The following PKNOX1 variants were observed in gnomAD, a reference collection of about 807,000 sequenced individuals.
PKNOX1 encodes homeobox protein PKNOX1.
Under a neutral mutation model 51.9 loss-of-function variants are expected in PKNOX1, and 15 were observed. The observed-to-expected ratio is 0.29, with a 90% CI of 0.19 to 0.45. The LOEUF (loss-of-function observed/expected upper bound fraction) is 0.45. PKNOX1 is among the 20% of genes least tolerant of loss of function. PKNOX1 has a pLI of 1.00. For missense variants in PKNOX1, 462 were observed against 547.5 expected (o/e 0.84, Z 1.56); for synonymous variants, 219 against 211.1 (o/e 1.04, Z -0.32).
chr21:43,015,450 T>A (rs1261322309), intron 5 of PKNOX1, among the ~76,000 whole-genome samples: 2 of 152,252 alleles, frequency 1.3e-5, no homozygotes, highest in African/African-American at 4.8e-5. Context: ...CCATGGCACA[T>A]AATTCTTTTC....
intron 4 of PKNOX1, among the ~76,000 whole-genome samples, chr21:43,011,260 G>A (rs1407647970): frequency 6.6e-6 from 1 of 151,706 alleles, no homozygotes; most frequent in Non-Finnish European, 1.5e-5. Context: ...TAGTAGAGAC[G>A]GGATTTCACC....
chr21:42,991,343 C>G (rs1392425077), intron 1 of PKNOX1, among the ~76,000 whole-genome samples: 1 of 151,642 alleles, frequency 6.6e-6, no homozygotes, highest in Admixed American at 6.6e-5. Context: ...AAAAAAAAAC[C>G]CTGAAAGCAA....
chr21:43,027,037 T>G (rs886368216), intron 9 of PKNOX1, among the ~76,000 whole-genome samples: 1 of 152,076 alleles, frequency 6.6e-6, no homozygotes, highest in African/African-American at 2.4e-5. Flanking sequence ...AAGAAAGAAG[T>G]TGTCACAGTG....
chr21:42,997,720 C>T (rs745667036), intron 1 of PKNOX1, among the ~76,000 whole-genome samples: 4 of 152,124 alleles, frequency 2.6e-5, no homozygotes, highest in Non-Finnish European at 4.4e-5. Flanking sequence ...GGGTGAGATT[C>T]ATCAGGAAGG....
intron 8 of PKNOX1, among the ~76,000 whole-genome samples, chr21:43,023,273 G>A (rs1428458246): frequency 6.6e-6 from 1 of 152,028 alleles, no homozygotes; most frequent in Non-Finnish European, 1.5e-5. Context: ...ACTCATTGAT[G>A]GAGTCAAGTT....
chr21:43,024,632 G>A (rs184200658), intron 8 of PKNOX1: 9 of 481,300 alleles, frequency 1.9e-5, no homozygotes, highest in African/African-American at 5.9e-5. Context: ...CCGCTGAACC[G>A]TTAAACGTGG....
intron 8 of PKNOX1, among the ~76,000 whole-genome samples, chr21:43,024,036 C>G (rs570450471): frequency 1.2e-4 from 18 of 152,086 alleles, no homozygotes; most frequent in Non-Finnish European, 1.6e-4. Flanking sequence ...GCCTGGCCCT[C>G]TGGTTGGATT....
intron 7 of PKNOX1, among the ~76,000 whole-genome samples, chr21:43,020,029 C>T (rs571932838): frequency 1.3e-5 from 2 of 150,790 alleles, no homozygotes; most frequent in Non-Finnish European, 2.9e-5. Context: ...ACCTCCCAGG[C>T]TCAAGCAATC....
intron 5 of PKNOX1, among the ~76,000 whole-genome samples, chr21:43,015,258 T>C (rs1226822522): frequency 6.6e-6 from 1 of 152,224 alleles, no homozygotes; most frequent in Admixed American, 6.5e-5. Flanking sequence ...GTTAAGGAGG[T>C]TATCCTATAT....
At chr21:42,999,774 C>T (rs370079281) in intron 1 of PKNOX1, among the ~76,000 whole-genome samples, 7 of 152,256 alleles carry the variant, frequency 4.6e-5, no homozygotes, top group East Asian at 1.9e-4. Flanking sequence ...CCATTGCTCC[C>T]GGCTGGGATT....
chr21:42,991,527 C>T (rs2059086942), intron 1 of PKNOX1, among the ~76,000 whole-genome samples: 1 of 151,992 alleles, frequency 6.6e-6, no homozygotes, highest in East Asian at 1.9e-4. Flanking sequence ...GAGATTGAGA[C>T]CATCCTGGCT....
chr21:43,007,832 G>A, intron 3 of PKNOX1: 1 of 447,730 alleles, frequency 2.2e-6, no homozygotes. Context: ...GGGAGGCTGA[G>A]GCGGGCGGAT....
intron 5 of PKNOX1, among the ~76,000 whole-genome samples, chr21:43,015,179 G>A (rs1979436426): frequency 6.6e-6 from 1 of 152,228 alleles, no homozygotes; most frequent in African/African-American, 2.4e-5. Context: ...ACCGCCTTAG[G>A]GGACACCTTT....
chr21:43,027,840 C>T lies in PKNOX1; in HGVS notation c.927-862C>T, dbSNP rs111714997. 4.1e-3 allele frequency among the ~76,000 whole-genome samples: 623 copies of T among 152,260 alleles called. 4 individuals are homozygous for T. The highest frequency in any genetic ancestry group is 0.014 in the African/African-American group (590 of 41,540). ...CTGAGGCAGCAGAATCGCTTAAACC[C>T]AGGAGGCGGAGGTTGCGGTGAGCTG... On this transcript the variant is annotated intron_variant, in intron 9 of 10. Transcript: ENST00000291547.
chr21:43,018,942 G>C (rs1490483775), intron 7 of PKNOX1, among the ~76,000 whole-genome samples: 3 of 152,066 alleles, frequency 2.0e-5, no homozygotes, highest in Admixed American at 2.0e-4. Context: ...AAAATTAGCT[G>C]GGTGCAGTGG....
At chr21:43,010,695 T>C (rs1979211789) in intron 4 of PKNOX1, among the ~76,000 whole-genome samples, 1 of 151,532 alleles carries the variant, frequency 6.6e-6, no homozygotes, top group South Asian at 2.1e-4. Context: ...CAAAATCCCA[T>C]CTCTACTGAA....
At chr21:43,019,925 A>ATTT (rs60174298) in intron 7 of PKNOX1, among the ~76,000 whole-genome samples, 4 of 85,900 alleles carry the variant, frequency 4.7e-5, no homozygotes, top group Admixed American at 3.9e-4. Context: ...AGGTGCTCTG[A>ATTT]TTTTTTTTTT....
At chr21:43,002,132 C>T (rs1209932735) in intron 1 of PKNOX1, among the ~76,000 whole-genome samples, 1 of 152,112 alleles carries the variant, frequency 6.6e-6, no homozygotes, top group Non-Finnish European at 1.5e-5. Context: ...GCTGAGATTA[C>T]AGGCATGAAC....
intron 4 of PKNOX1, among the ~76,000 whole-genome samples, chr21:43,011,756 T>A (rs1362184136): frequency 6.6e-6 from 1 of 152,204 alleles, no homozygotes; most frequent in African/African-American, 2.4e-5. Flanking sequence ...GAGGTCTTAG[T>A]TTTTAAGAAA....
Sources: gnomAD v4.1 joint callset for allele counts (sites outside exome capture counted in the v4.1 genomes callset) on GRCh38, gnomAD v4.1.1 for gene constraint, MANE v1.5 for transcripts, NCBI Gene and HGNC (gene_info 2026-07-23, HGNC 2026-07-21) for gene names.